Variants in ITCH observed in about 807,000 individuals in gnomAD.
The protein encoded by ITCH is E3 ubiquitin-protein ligase Itchy homolog.
A neutral mutation model predicts 126.8 loss-of-function variants in ITCH; 28 were observed. That is an observed-to-expected ratio of 0.22 (90% CI 0.16 to 0.30). The LOEUF is 0.30. Ranked by LOEUF, ITCH falls within the 10% of genes least tolerant of loss-of-function variation. The pLI is 1.00. For synonymous variants in ITCH, 342 were observed against 340.0 expected (o/e 1.01, Z -0.06); for missense variants, 631 against 1,032.4 (o/e 0.61, Z 5.33).
rs1440958618 is a variant in ITCH at position 34,472,391 on chromosome 20, A to AG, written c.1569+876_1569+877insG. On this transcript the variant is annotated intron_variant, in intron 16 of 24. Transcript: ENST00000374864. ...TCAATTTAAAAAAAAAAAAAAAAAA[A>AG]AAAAAACTTGAGTTAGTCTACTATT... 1.1e-3 allele frequency among the ~76,000 whole-genome samples: 108 copies of AG among 99,822 alleles called. 1 individual carries two copies. Among genetic ancestry groups the AG allele is most frequent in the South Asian group, 1.6e-3 (5 of 3,074 alleles). The allele number at this position is 99,822 out of a possible 152,430, so 65.5% of individuals were successfully genotyped here.
At chr20:34,448,138 C>G (rs146242885) in intron 11 of ITCH, among the ~76,000 whole-genome samples, 10,667 of 152,154 alleles carry the variant, frequency 0.07, 1,201 homozygotes, top group African/African-American at 0.24. Context: ...ACCTGTACTC[C>G]CAGCACTTTG....
At position 34,371,281 on chromosome 20, in the gene ITCH, T is replaced by TC. The variant is rs199715507; in HGVS notation, c.-22+1811_-22+1812insC. Among the ~76,000 whole-genome samples the TC allele has an allele frequency of 2.3e-3, 293 of 130,050 alleles. 3 individuals carry two copies. Among genetic ancestry groups the TC allele is most frequent in the East Asian group, 0.022 (102 of 4,712 alleles). The allele number at this position is 130,050 out of a possible 152,430, so 85.3% of individuals were successfully genotyped here. On this transcript the variant is annotated intron_variant, in intron 2 of 24. Coordinates refer to ENST00000374864, the MANE Select transcript of ITCH (RefSeq NM_031483.7). ...CAAAGGAAATAAAATCACTTCTTCT[T>TC]TTTTTTTTTTTTTTTTTTTTTGAGA...
chr20:34,481,618 G>A (rs1412696741), intron 20 of ITCH, among the ~76,000 whole-genome samples: 1 of 152,110 alleles, frequency 6.6e-6, no homozygotes, highest in East Asian at 1.9e-4. Context: ...GGGTGGGGAG[G>A]CCTCACCCTC....
At chr20:34,503,228 G>A (rs150504689) in intron 23 of ITCH, among the ~76,000 whole-genome samples, 161 of 152,154 alleles carry the variant, frequency 1.1e-3, no homozygotes, top group Non-Finnish European at 1.8e-3. Context: ...GTTTAGTCAG[G>A]TGGGACATGA....
chr20:34,437,913 T>TA (rs967768139), intron 7 of ITCH, among the ~76,000 whole-genome samples: 7 of 152,148 alleles, frequency 4.6e-5, no homozygotes, highest in East Asian at 3.9e-4. Flanking sequence ...ACAGCTCCTT[T>TA]AAAAAAAGTC....
intron 7 of ITCH, among the ~76,000 whole-genome samples, chr20:34,431,838 A>C (rs1382385739): frequency 6.6e-6 from 1 of 152,052 alleles, no homozygotes; most frequent in African/African-American, 2.4e-5. Flanking sequence ...TTAGGAGTTC[A>C]AGACCAGCCT....
chr20:34,480,421 C>G (rs534537669), intron 18 of ITCH, among the ~76,000 whole-genome samples, 178 bp from the exon 19 acceptor site: 24 of 150,598 alleles, frequency 1.6e-4, no homozygotes, highest in African/African-American at 5.4e-4. Context: ...AGTCTGGTCT[C>G]GAACTCCTGA....
intron 12 of ITCH, among the ~76,000 whole-genome samples, chr20:34,453,785 G>A (rs1985539123): frequency 6.6e-6 from 1 of 152,094 alleles, no homozygotes; most frequent in Non-Finnish European, 1.5e-5. Flanking sequence ...CCTGAGGTCA[G>A]GAGTTCGTGA....
At chr20:34,444,808 T>G (rs1984237406) in intron 10 of ITCH, among the ~76,000 whole-genome samples, 1 of 152,068 alleles carries the variant, frequency 6.6e-6, no homozygotes, top group Admixed American at 6.6e-5. Context: ...ACCTGGCTAA[T>G]TTTTTGTATT....
In ITCH at chr20:34,401,672, C is replaced by T. The variant is rs572426656; in HGVS notation, c.71-6979C>T. 1.2e-4 allele frequency: 114 copies of T among 968,228 alleles called. 3 individuals carry two copies. The African/African-American group carries it at 1.5e-3, about 13-fold the overall frequency. The allele number at this position is 968,228 out of a possible 1,614,324, so 60.0% of individuals were successfully genotyped here. On this transcript the variant is annotated intron_variant, in intron 3 of 24. Coordinates refer to ENST00000374864, the MANE Select transcript of ITCH (RefSeq NM_031483.7). ...CTAGGAAGTAGACTGTGGAATCAAT[C>T]GGTCCTCCTCACCTTAAGGGCCATC... is the stretch of plus-strand genomic sequence containing the variant.
At chr20:34,417,288 G>GA (rs1980029683) in intron 6 of ITCH, 1 of 468,428 alleles carries the variant, frequency 2.1e-6, no homozygotes, top group African/African-American at 2.1e-5. Flanking sequence ...GTAGAGACAG[G>GA]GTTTCTCCGT....
rs989912098 is a variant in ITCH, at chr20:34,511,342, G to A, written c.*3548G>A. The A allele has an allele frequency of 5.9e-5, 9 of 152,104 alleles. No homozygotes were observed. Among genetic ancestry groups the A allele is most frequent in the Admixed American group, 2.0e-4 (3 of 15,268 alleles). The allele number at this position is 152,104 out of a possible 1,614,324, so 9.4% of individuals were successfully genotyped here. A position where few individuals can be genotyped will look rare whatever the true frequency, so the allele number is the denominator to read the frequency against. On this transcript the variant is annotated 3_prime_UTR_variant, in exon 25 of 25. Transcript: ENST00000374864. Reference sequence around the variant, plus strand: ...TTCCTTCAGTGGTTGCCTCACTTGCGTTTTCCTACAAGATGTAAGACTGTT... The same window carrying A: ...TTCCTTCAGTGGTTGCCTCACTTGCATTTTCCTACAAGATGTAAGACTGTT...
At chr20:34,400,646 CTTTTTTTTTTTTTT>C (rs760416482) in intron 3 of ITCH, among the ~76,000 whole-genome samples, 1 of 120,024 alleles carries the variant, frequency 8.3e-6, no homozygotes, top group East Asian at 2.4e-4. Flanking sequence ...AAAAATTTTT[CTTTTTTTTTTTTTT>C]TTTTTGAGAC....
chr20:34,461,564 C>CTGGGCG (rs1266419901), intron 13 of ITCH, among the ~76,000 whole-genome samples: 3 of 151,954 alleles, frequency 2.0e-5, no homozygotes, highest in Non-Finnish European at 4.4e-5. Context: ...CAAAAATTAG[C>CTGGGCG]TGGGCGTGGG....
chr20:34,382,354 G>A (rs778977354), intron 2 of ITCH, among the ~76,000 whole-genome samples: 3 of 152,124 alleles, frequency 2.0e-5, no homozygotes, highest in East Asian at 1.9e-4. Flanking sequence ...TGTTAATAAA[G>A]TGCATATACA....
chr20:34,491,731 G>GTT (rs1318893793), intron 22 of ITCH, among the ~76,000 whole-genome samples: 1 of 152,172 alleles, frequency 6.6e-6, no homozygotes, highest in Non-Finnish European at 1.5e-5. Context: ...AGGCAAAACA[G>GTT]TTATACTACA....
chr20:34,479,457 C>T lies in ITCH; in HGVS notation c.1659-173C>T, dbSNP rs754612490. ...TACCATCTACCAAAGATGGTGTATA[C>T]TACCAACTCTGTGAAACAGATGTGA... On this transcript the variant is annotated intron_variant, in intron 17 of 24. Transcript: ENST00000374864. Among the ~76,000 whole-genome samples, 153 of 152,238 alleles carry T rather than the reference C, an allele frequency of 1.0e-3. 3 individuals are homozygous for T. The highest frequency in any genetic ancestry group is 3.4e-4 in the Non-Finnish European group (23 of 67,994).
intron 12 of ITCH, among the ~76,000 whole-genome samples, chr20:34,450,149 G>C (rs1985013350): frequency 1.3e-5 from 2 of 152,088 alleles, no homozygotes. Context: ...CAATGTTTGT[G>C]GTTAACAATA....
At chr20:34,471,223 A>C (rs1318336322) in intron 15 of ITCH, among the ~76,000 whole-genome samples, 1 of 152,226 alleles carries the variant, frequency 6.6e-6, no homozygotes, top group African/African-American at 2.4e-5. Flanking sequence ...AGCAGTGTGC[A>C]TATGAGATCA....
Sources: gnomAD v4.1 joint callset for allele counts (sites outside exome capture counted in the v4.1 genomes callset) on GRCh38, gnomAD v4.1.1 for gene constraint, MANE v1.5 for transcripts, NCBI Gene and HGNC (gene_info 2026-07-23, HGNC 2026-07-21) for gene names.